The following NT5M variants were observed in gnomAD, a reference collection of about 807,000 sequenced individuals.
The protein encoded by NT5M is 5',3'-nucleotidase, mitochondrial, also known as 5'(3')-deoxyribonucleotidase, mitochondrial.
NT5M carries 22 observed loss-of-function variants against 22.2 expected under a neutral mutation model. The ratio of observed to expected loss-of-function variants is 0.99; its 90% CI spans 0.71 to 1.41. The LOEUF is 1.41. Ranked by LOEUF, NT5M falls within the 40% of genes most tolerant of loss-of-function variation. NT5M has a pLI of 0.00. For synonymous variants in NT5M, 167 were observed against 133.0 expected (o/e 1.26, Z -1.76); for missense variants, 322 against 314.8 (o/e 1.02, Z -0.17).
intron 4 of NT5M, 159 bp downstream of exon 4, chr17:17,345,067 G>A (rs1281370493): frequency 2.5e-6 from 3 of 1,202,180 alleles, no homozygotes; most frequent in Non-Finnish European, 3.4e-6. Context: ...GGCCCCCTCT[G>A]TATGGGCTGT....
intron 3 of NT5M, among the ~76,000 whole-genome samples, chr17:17,334,385 A>C (rs908703485): frequency 8.7e-5 from 13 of 149,832 alleles, no homozygotes; most frequent in African/African-American, 3.0e-4. Context: ...CTGAAGTGTC[A>C]TGGTAGCCTG....
intron 2 of NT5M, among the ~76,000 whole-genome samples, chr17:17,315,349 G>C (rs2049001247): frequency 6.6e-6 from 1 of 152,190 alleles, no homozygotes; most frequent in South Asian, 2.1e-4. Flanking sequence ...AAGGTCTCCA[G>C]TTTCAGGGCA....
chr17:17,303,472 C>T lies in NT5M; in HGVS notation c.-79C>T. 1 of 1,011,710 alleles carries T rather than the reference C, an allele frequency of 9.9e-7. No homozygotes were observed. Among genetic ancestry groups the T allele is most frequent in the Non-Finnish European group, 1.2e-6 (1 of 848,380 alleles). The allele number at this position is 1,011,710 out of a possible 1,614,324, so 62.7% of individuals were successfully genotyped here. On this transcript the variant is annotated 5_prime_UTR_variant, in exon 1 of 5. Transcript: ENST00000389022. ...CCCAGCGTTGGGGGCTTCTCCTCCG[C>T]GGCGGGAATGTCTGGCCGGCTCCGG...
chr17:17,341,805 C>T lies in NT5M; in HGVS notation c.430-2989C>T, dbSNP rs527300526. Among the ~76,000 whole-genome samples the T allele has an allele frequency of 6.6e-5, 10 of 152,260 alleles. No homozygotes were observed. The South Asian group carries it at 1.7e-3, about 25-fold the overall frequency. On this transcript the variant is annotated intron_variant, in intron 3 of 4. Transcript: ENST00000389022. ...CAGCACTTTGGGAGGCCACGGTGGG[C>T]GGATCACAAGGTCAGGAGTTTGAGA...
intron 3 of NT5M, among the ~76,000 whole-genome samples, chr17:17,328,442 C>G (rs1331667517): frequency 6.6e-6 from 1 of 152,174 alleles, no homozygotes; most frequent in Non-Finnish European, 1.5e-5. Context: ...ACCCCCTCAC[C>G]CACCGTTTGT....
rs560017612 is a variant in NT5M at position 17,346,722 on chromosome 17, T to C, written c.545-83T>C. ...ACAAGTTTTGGCAAGGCCAGATGCCTGCCTGGATACCCAGGTTTCCACCCT... is the reference window on the plus strand; with the variant it reads ...ACAAGTTTTGGCAAGGCCAGATGCCCGCCTGGATACCCAGGTTTCCACCCT... On this transcript the variant is annotated intron_variant, in intron 4 of 4. Coordinates refer to ENST00000389022, the MANE Select transcript of NT5M (RefSeq NM_020201.4). 33 of 1,558,354 alleles carry C rather than the reference T, an allele frequency of 2.1e-5. No individual in the cohort carries two copies. In the East Asian group the frequency reaches 6.3e-4, roughly 30 times the overall value.
intron 3 of NT5M, among the ~76,000 whole-genome samples, chr17:17,335,202 C>T (rs1411710648): frequency 4.0e-5 from 6 of 151,584 alleles, no homozygotes; most frequent in South Asian, 2.1e-4. Context: ...CAGCTTATTT[C>T]GTTTTTAATG....
At chr17:17,315,613 G>T (rs1241228569) in intron 2 of NT5M, among the ~76,000 whole-genome samples, 1 of 152,078 alleles carries the variant, frequency 6.6e-6, no homozygotes, top group Non-Finnish European at 1.5e-5. Context: ...CCTGAGCCGG[G>T]CCAGGCCTTT....
At chr17:17,324,086 G>A (rs2049213781) in intron 3 of NT5M, among the ~76,000 whole-genome samples, 1 of 151,756 alleles carries the variant, frequency 6.6e-6, no homozygotes, top group Admixed American at 6.6e-5. Context: ...TGTTGGCCAG[G>A]CTGGTCTCGA....
chr17:17,341,581 A>G (rs1362433072), intron 3 of NT5M, among the ~76,000 whole-genome samples: 2 of 152,214 alleles, frequency 1.3e-5, no homozygotes, highest in Non-Finnish European at 2.9e-5. Flanking sequence ...CTGTGTCACC[A>G]CACAGGGACC....
intron 3 of NT5M, among the ~76,000 whole-genome samples, chr17:17,342,769 C>G (rs938993495): frequency 2.0e-5 from 3 of 152,322 alleles, no homozygotes; most frequent in South Asian, 4.1e-4. Context: ...GCAGTGAGGC[C>G]TCTGTGTGAG....
intron 2 of NT5M, among the ~76,000 whole-genome samples, chr17:17,314,815 A>G (rs114055074): frequency 0.011 from 1,693 of 152,218 alleles, 33 homozygotes; most frequent in African/African-American, 0.039. Flanking sequence ...TTACACAGCT[A>G]GATTGTTTTT....
intron 3 of NT5M, among the ~76,000 whole-genome samples, chr17:17,335,227 G>A (rs937797126): frequency 1.3e-5 from 2 of 151,414 alleles, no homozygotes; most frequent in Non-Finnish European, 2.9e-5. Flanking sequence ...TATAAACTTT[G>A]TTTAATTGAA....
chr17:17,339,983 T>C (rs2049604088), intron 3 of NT5M, among the ~76,000 whole-genome samples: 1 of 152,220 alleles, frequency 6.6e-6, no homozygotes, highest in Non-Finnish European at 1.5e-5. Flanking sequence ...GGTATCACGG[T>C]GATACTGGCT....
intron 4 of NT5M, 95 bp downstream of exon 4, chr17:17,345,003 A>T (rs978702634): frequency 1.3e-6 from 2 of 1,536,934 alleles, no homozygotes; most frequent in Admixed American, 3.7e-5. Flanking sequence ...TTCCTGCCCC[A>T]CTTAGTCACC....
At position 17,303,601 on chromosome 17, in the gene NT5M, T is replaced by G; in HGVS notation, c.51T>G (p.Val17=). 8.2e-7 allele frequency: 1 copy of G among 1,223,286 alleles called. No homozygotes were observed. The highest frequency in any genetic ancestry group is 1.0e-6 in the Non-Finnish European group (1 of 976,880). The allele number at this position is 1,223,286 out of a possible 1,614,324, so 75.8% of individuals were successfully genotyped here. The change falls in exon 1 of 5, where the codon GTT becomes GTG. Residue 17 remains valine, a synonymous_variant. Transcript: ENST00000389022. ...CGCGGCGGCTCTGCAGCGCGGCGGT[T>G]CCCGCGGGGCGGCGCGGGGCGGCGG... ...WCARRLCSAA[V]PAGRRGAAGG...
At chr17:17,346,712 G>A in intron 4 of NT5M, 93 bp from the exon 5 acceptor site, 1 of 1,517,982 alleles carries the variant, frequency 6.6e-7, no homozygotes, top group Non-Finnish European at 9.0e-7. Flanking sequence ...TTTTGGCAAG[G>A]CCAGATGCCT....
At chr17:17,315,221 G>A (rs970369933) in intron 2 of NT5M, among the ~76,000 whole-genome samples, 1 of 152,116 alleles carries the variant, frequency 6.6e-6, no homozygotes, top group Non-Finnish European at 1.5e-5. Context: ...GCTCACTGTC[G>A]TGAAGCCTAG....
chr17:17,324,847 C>T (rs556574016), intron 3 of NT5M, among the ~76,000 whole-genome samples: 6 of 152,288 alleles, frequency 3.9e-5, no homozygotes, highest in African/African-American at 9.6e-5. Flanking sequence ...GGCCGGCCTT[C>T]GCTGACCCCC....
Sources: gnomAD v4.1 joint callset for allele counts (sites outside exome capture counted in the v4.1 genomes callset) on GRCh38, gnomAD v4.1.1 for gene constraint, MANE v1.5 for transcripts, NCBI Gene and HGNC (gene_info 2026-07-23, HGNC 2026-07-21) for gene names.